Variants in CADPS2 observed in about 807,000 individuals in gnomAD.
CADPS2 encodes the protein calcium dependent secretion activator 2, also known as calcium-dependent secretion activator 2.
CADPS2 carries 93 observed loss-of-function variants against 172.5 expected under a neutral mutation model. That is an observed-to-expected ratio of 0.54 (90% CI 0.46 to 0.64). The LOEUF (loss-of-function observed/expected upper bound fraction) is 0.64. Among genes scored for constraint, CADPS2 ranks in the 30% least tolerant of loss-of-function variants. CADPS2 has a pLI of 0.00. For missense variants in CADPS2, 1,420 were observed against 1,565.9 expected (o/e 0.91, Z 1.57); for synonymous variants, 546 against 555.2 (o/e 0.98, Z 0.23).
intron 8 of CADPS2, among the ~76,000 whole-genome samples, chr7:122,520,760 GTAGTT>G (rs1476046622): frequency 1.3e-5 from 2 of 152,052 alleles, no homozygotes; most frequent in African/African-American, 4.8e-5. Flanking sequence ...ACTAAATATT[GTAGTT>G]TAGTTTCAAT....
At chr7:122,645,364 C>CATATATACACAT (rs1563947814) in intron 3 of CADPS2, among the ~76,000 whole-genome samples, 3 of 78,354 alleles carry the variant, frequency 3.8e-5, no homozygotes, top group African/African-American at 1.1e-4. Context: ...TATACATGTA[C>CATATATACACAT]ATGTATACAC....
chr7:122,755,231 G>A (rs1305800101), intron 1 of CADPS2, among the ~76,000 whole-genome samples: 2 of 152,138 alleles, frequency 1.3e-5, no homozygotes, highest in Non-Finnish European at 2.9e-5. Flanking sequence ...ACATTATCAA[G>A]TTATGCCAAG....
chr7:122,403,506 A>G (rs536305442), intron 20 of CADPS2, among the ~76,000 whole-genome samples: 3 of 152,370 alleles, frequency 2.0e-5, no homozygotes, highest in Admixed American at 2.0e-4. Flanking sequence ...ACAACAAAAT[A>G]ACACAAGATG....
At chr7:122,850,180 C>A in intron 1 of CADPS2, 1 of 1,110,318 alleles carries the variant, frequency 9.0e-7, no homozygotes, top group Admixed American at 2.9e-5. Context: ...CAACTAAGCC[C>A]ATGCTGATAG....
intron 16 of CADPS2, chr7:122,440,332 T>C (rs1301534008): frequency 6.6e-6 from 1 of 152,202 alleles, no homozygotes; most frequent in Non-Finnish European, 1.5e-5. Flanking sequence ...GTACCCACGA[T>C]GGGATGTTGT....
Position 122,550,941 on chromosome 7 carries a change from G to A in CADPS2, c.1475+3609C>T, listed in dbSNP as rs1044753178. 5.9e-5 allele frequency among the ~76,000 whole-genome samples: 9 copies of A among 152,150 alleles called. No individual in the cohort carries two copies. In the South Asian group the frequency reaches 6.2e-4, roughly 11 times the overall value. On this transcript the variant is annotated intron_variant, in intron 8 of 29. Transcript: ENST00000449022. The stretch of plus-strand genomic sequence containing the variant: ...AAACTCAAGTTTTTGCTAAATATAC[G>A]TCTTGTGGTAATGCCCAGTTTGGTT...
chr7:122,584,425 A>G (rs997166613), intron 6 of CADPS2, among the ~76,000 whole-genome samples: 3 of 151,910 alleles, frequency 2.0e-5, no homozygotes, highest in African/African-American at 4.8e-5. Context: ...TCCTTATAGC[A>G]TCTGTTATGT....
At position 122,673,725 on chromosome 7, in the gene CADPS2, T is replaced by C. The variant is rs570651952; in HGVS notation, c.454-10156A>G. ...ACATAAAAGTTCTCCAAGTCCCCACTGGACTCAGGGGCCCAACTGGCTTCG... is the reference window on the plus strand; with the variant it reads ...ACATAAAAGTTCTCCAAGTCCCCACCGGACTCAGGGGCCCAACTGGCTTCG... On this transcript the variant is annotated intron_variant, in intron 2 of 29. Transcript: ENST00000449022. 2.6e-5 allele frequency among the ~76,000 whole-genome samples: 4 copies of C among 152,366 alleles called. No individual in the cohort carries two copies. The South Asian group carries it at 8.3e-4, about 32-fold the overall frequency.
At chr7:122,435,357 A>C (rs1034789757) in intron 17 of CADPS2, among the ~76,000 whole-genome samples, 9 of 152,168 alleles carry the variant, frequency 5.9e-5, no homozygotes, top group Admixed American at 3.3e-4. Flanking sequence ...CTGAATAGAC[A>C]TTGCTCAAAA....
chr7:122,697,625 C>G (rs1232310280), intron 2 of CADPS2: 2 of 588,140 alleles, frequency 3.4e-6, no homozygotes, highest in African/African-American at 3.8e-5. Flanking sequence ...AAAAATCCCG[C>G]TAGGACTTTT....
At chr7:122,770,041 T>C (rs1310617859) in intron 1 of CADPS2, among the ~76,000 whole-genome samples, 1 of 152,206 alleles carries the variant, frequency 6.6e-6, no homozygotes, top group Non-Finnish European at 1.5e-5. Flanking sequence ...GTTTTACAAA[T>C]AGGGAGCCTG....
At chr7:122,868,197 G>T (rs1277189002) in intron 1 of CADPS2, among the ~76,000 whole-genome samples, 2 of 150,062 alleles carry the variant, frequency 1.3e-5, no homozygotes, top group Non-Finnish European at 3.0e-5. Context: ...CCTAGCTCTG[G>T]AAGTTGATGG....
At chr7:122,808,019 G>A (rs900056280) in intron 1 of CADPS2, among the ~76,000 whole-genome samples, 4 of 152,142 alleles carry the variant, frequency 2.6e-5, no homozygotes, top group Admixed American at 2.6e-4. Context: ...CAGAGGCACA[G>A]TACCCTTCCA....
chr7:122,355,728 A>G (rs2039310695), intron 27 of CADPS2, among the ~76,000 whole-genome samples: 1 of 152,188 alleles, frequency 6.6e-6, no homozygotes, highest in Non-Finnish European at 1.5e-5. Context: ...AGAACTGGAC[A>G]AGAACTCACA....
intron 2 of CADPS2, among the ~76,000 whole-genome samples, chr7:122,730,361 C>T (rs2091525686): frequency 6.6e-6 from 1 of 151,682 alleles, no homozygotes; most frequent in South Asian, 2.1e-4. Flanking sequence ...CCTGTTACTA[C>T]TTTGAGGGCA....
intron 1 of CADPS2, among the ~76,000 whole-genome samples, chr7:122,772,169 G>T (rs1466959663): frequency 6.6e-6 from 1 of 152,164 alleles, no homozygotes; most frequent in Non-Finnish European, 1.5e-5. Flanking sequence ...CAGAGGTAGG[G>T]TTTGAGTAGC....
chr7:122,845,960 T>C (rs1216124086), intron 1 of CADPS2, among the ~76,000 whole-genome samples: 1 of 152,090 alleles, frequency 6.6e-6, no homozygotes, highest in Non-Finnish European at 1.5e-5. Context: ...TTCAACACAA[T>C]GGTTAAAATC....
chr7:122,356,316 A>G (rs1419808481), intron 27 of CADPS2, among the ~76,000 whole-genome samples: 3 of 151,988 alleles, frequency 2.0e-5, no homozygotes, highest in Non-Finnish European at 1.5e-5. Context: ...ATTTTTTTTG[A>G]TGATTAGACT....
chr7:122,826,974 G>A (rs1461260738), intron 1 of CADPS2, among the ~76,000 whole-genome samples: 2 of 151,934 alleles, frequency 1.3e-5, no homozygotes, highest in African/African-American at 2.4e-5. Flanking sequence ...AACAACAAAG[G>A]AAAATCAAAC....
Sources: allele counts gnomAD v4.1 joint callset (sites outside exome capture counted in the v4.1 genomes callset), GRCh38; gene constraint gnomAD v4.1.1; transcripts MANE v1.5; gene names NCBI Gene and HGNC (gene_info 2026-07-23, HGNC 2026-07-21).